The following TBC1D22A variants were observed in gnomAD, a reference collection of about 807,000 sequenced individuals.
TBC1D22A encodes the protein putative GTPase activator.
In TBC1D22A, 38 loss-of-function variants were observed where a neutral mutation model predicts 60.2. The ratio of observed to expected loss-of-function variants is 0.63; its 90% CI spans 0.49 to 0.83. The LOEUF is 0.83. TBC1D22A is among the 40% of genes least tolerant of loss of function. The probability of loss-of-function intolerance (pLI) is 0.00; values close to 1 mark genes in which losing one functional copy is unlikely to be tolerated. For synonymous variants in TBC1D22A, 302 were observed against 281.7 expected (o/e 1.07, Z -0.72); for missense variants, 628 against 701.0 (o/e 0.90, Z 1.18).
chr22:46,925,236 C>T (rs972014660), intron 8 of TBC1D22A, among the ~76,000 whole-genome samples: 8 of 152,182 alleles, frequency 5.3e-5, no homozygotes, highest in Non-Finnish European at 2.9e-5. Flanking sequence ...AGCTTAGGTG[C>T]TTTTGTGCTC....
At chr22:46,864,961 C>A (rs1019051811) in intron 4 of TBC1D22A, among the ~76,000 whole-genome samples, 2 of 152,206 alleles carry the variant, frequency 1.3e-5, no homozygotes, top group African/African-American at 4.8e-5. Flanking sequence ...TATGAGCCTC[C>A]CATCACTGTG....
intron 12 of TBC1D22A, among the ~76,000 whole-genome samples, chr22:47,163,302 T>G (rs900355150): frequency 6.6e-6 from 1 of 152,236 alleles, no homozygotes; most frequent in African/African-American, 2.4e-5. Context: ...ATGCCTGCAC[T>G]CATCCTCATC....
At chr22:46,770,042 A>C (rs2146699519) in intron 1 of TBC1D22A, among the ~76,000 whole-genome samples, 1 of 152,240 alleles carries the variant, frequency 6.6e-6, no homozygotes, top group East Asian at 1.9e-4. Context: ...TACATGGCAG[A>C]GGGGAATTAA....
intron 1 of TBC1D22A, among the ~76,000 whole-genome samples, chr22:46,788,637 C>G (rs1393081197): frequency 6.6e-6 from 1 of 152,196 alleles, no homozygotes; most frequent in Non-Finnish European, 1.5e-5. Flanking sequence ...CAGTGCCTGC[C>G]TCGTAGGTCC....
intron 9 of TBC1D22A, among the ~76,000 whole-genome samples, chr22:46,989,715 GA>G (rs1156616150): frequency 1.3e-5 from 2 of 150,926 alleles, no homozygotes; most frequent in African/African-American, 2.5e-5. Context: ...AGATCATAAT[GA>G]AAAAGTTTGA....
At chr22:46,954,229 G>C (rs944923130) in intron 8 of TBC1D22A, among the ~76,000 whole-genome samples, 3 of 152,232 alleles carry the variant, frequency 2.0e-5, no homozygotes, top group Non-Finnish European at 2.9e-5. Flanking sequence ...CTTGCAGGCT[G>C]CGTGACTTTG....
chr22:47,073,740 G>T (rs374942098), intron 11 of TBC1D22A, among the ~76,000 whole-genome samples: 1 of 152,130 alleles, frequency 6.6e-6, no homozygotes, highest in Non-Finnish European at 1.5e-5. Flanking sequence ...AGAAGTCTGC[G>T]TGTCGTTAAT....
At chr22:46,871,443 A>C (rs56909881) in intron 4 of TBC1D22A, among the ~76,000 whole-genome samples, 1 of 152,246 alleles carries the variant, frequency 6.6e-6, no homozygotes, top group East Asian at 1.9e-4. Flanking sequence ...ACATTCACCA[A>C]GTAGACTGTA....
chr22:46,790,653 A>G (rs1013979271), intron 1 of TBC1D22A, among the ~76,000 whole-genome samples: 1 of 152,168 alleles, frequency 6.6e-6, no homozygotes, highest in Non-Finnish European at 1.5e-5. Context: ...AACAAAATAA[A>G]AAAAAAAAGT....
At chr22:46,976,970 G>A (rs1489401199) in intron 9 of TBC1D22A, among the ~76,000 whole-genome samples, 1 of 152,214 alleles carries the variant, frequency 6.6e-6, no homozygotes, top group Admixed American at 6.5e-5. Flanking sequence ...AGTCCCCATG[G>A]GAATGAATGT....
At chr22:47,159,112 A>G (rs1048006217) in intron 12 of TBC1D22A, among the ~76,000 whole-genome samples, 2 of 150,302 alleles carry the variant, frequency 1.3e-5, no homozygotes, top group African/African-American at 4.9e-5. Context: ...ACACCTCACC[A>G]TATATACACA....
chr22:46,888,433 T>A (rs2068228815), intron 5 of TBC1D22A, among the ~76,000 whole-genome samples: 1 of 152,206 alleles, frequency 6.6e-6, no homozygotes, highest in Non-Finnish European at 1.5e-5. Context: ...CGGGATGTAT[T>A]TGTTCATTCA....
chr22:46,839,770 TAG>T (rs1195579767), intron 4 of TBC1D22A, among the ~76,000 whole-genome samples: 1 of 152,184 alleles, frequency 6.6e-6, no homozygotes, highest in Non-Finnish European at 1.5e-5. Flanking sequence ...GAATGTAAAG[TAG>T]AGAGCTCAGA....
intron 12 of TBC1D22A, among the ~76,000 whole-genome samples, chr22:47,151,052 C>T (rs371478173): frequency 1.3e-5 from 2 of 152,174 alleles, no homozygotes; most frequent in African/African-American, 4.8e-5. Context: ...ATGTGGGATC[C>T]GCTGTGGCCC....
rs538794543 is a variant in TBC1D22A, at chr22:46,806,280, A to G, written c.637+8660A>G. On this transcript the variant is annotated intron_variant, in intron 4 of 12. Transcript: ENST00000337137. Reference sequence around the variant, plus strand: ...TGCTGGGTGTAGAGGGACTCAGTAAATGAACTTTGAATTCTCATAGTCAGT... The same window carrying G: ...TGCTGGGTGTAGAGGGACTCAGTAAGTGAACTTTGAATTCTCATAGTCAGT... 9.9e-5 allele frequency among the ~76,000 whole-genome samples: 15 copies of G among 151,812 alleles called. No individual in the cohort carries two copies. The South Asian group carries it at 2.9e-3, about 29-fold the overall frequency.
intron 11 of TBC1D22A, among the ~76,000 whole-genome samples, chr22:47,090,826 T>G (rs1245765619): frequency 7.6e-6 from 1 of 132,082 alleles, no homozygotes. Flanking sequence ...TGCTTGTTGA[T>G]AGAGACGGGC....
At chr22:47,012,535 G>T (rs1167433715) in intron 10 of TBC1D22A, among the ~76,000 whole-genome samples, 1 of 152,128 alleles carries the variant, frequency 6.6e-6, no homozygotes, top group African/African-American at 2.4e-5. Flanking sequence ...TTGTCACTGG[G>T]GTCCTTCATG....
chr22:46,965,969 G>C (rs879307842), intron 8 of TBC1D22A, among the ~76,000 whole-genome samples: 1 of 152,166 alleles, frequency 6.6e-6, no homozygotes, highest in Non-Finnish European at 1.5e-5. Context: ...CAGGTGCGGT[G>C]GGCTGGCTCC....
chr22:47,080,106 AG>A (rs1228239514), intron 11 of TBC1D22A, among the ~76,000 whole-genome samples: 12 of 152,206 alleles, frequency 7.9e-5, no homozygotes, highest in African/African-American at 2.4e-4. Context: ...ATGTGTTAAC[AG>A]GACTTCTAAT....
Sources: allele counts gnomAD v4.1 joint callset (sites outside exome capture counted in the v4.1 genomes callset), GRCh38; gene constraint gnomAD v4.1.1; transcripts MANE v1.5; gene names NCBI Gene and HGNC (gene_info 2026-07-23, HGNC 2026-07-21).